Variants in SDK1 observed in about 807,000 individuals in gnomAD.
SDK1 encodes the protein sidekick cell adhesion molecule 1.
In SDK1, 157 loss-of-function variants were observed where a neutral mutation model predicts 245.5. The observed-to-expected ratio is 0.64, with a 90% CI of 0.56 to 0.73. The LOEUF (loss-of-function observed/expected upper bound fraction) is 0.73, where lower values mean the gene tolerates loss of function less well. Ranked by LOEUF, SDK1 falls within the 30% of genes least tolerant of loss-of-function variation. The pLI is 0.00. For synonymous variants in SDK1, 1,647 were observed against 1,278.5 expected, an observed-to-expected ratio of 1.29 and a Z score of -6.15; for missense variants, 3,583 against 3,002.3, an observed-to-expected ratio of 1.19 and a Z score of -4.52.
At chr7:4,240,782 C>G (rs1277557887) in intron 42 of SDK1, among the ~76,000 whole-genome samples, 1 of 152,106 alleles carries the variant, frequency 6.6e-6, no homozygotes, top group Non-Finnish European at 1.5e-5. Flanking sequence ...GGGAGGTCGC[C>G]TCTGGTCTCA....
At chr7:3,403,880 T>TTATA (rs1562466300) in intron 1 of SDK1, among the ~76,000 whole-genome samples, 2 of 119,802 alleles carry the variant, frequency 1.7e-5, no homozygotes, top group African/African-American at 6.2e-5. Context: ...ATATATATAT[T>TTATA]TATTTATATT....
intron 32 of SDK1, among the ~76,000 whole-genome samples, chr7:4,163,564 G>A: frequency 6.6e-6 from 1 of 152,342 alleles, no homozygotes; most frequent in East Asian, 1.9e-4. Context: ...CCCTGCAGAA[G>A]GGCCACTCCA....
At chr7:3,661,761 G>A (rs1783365460) in intron 4 of SDK1, among the ~76,000 whole-genome samples, 1 of 152,126 alleles carries the variant, frequency 6.6e-6, no homozygotes, top group African/African-American at 2.4e-5. Context: ...AGGCTGTCTG[G>A]GTTCAGACCC....
chr7:4,197,303 A>AAAAAAG (rs60173501), intron 35 of SDK1, among the ~76,000 whole-genome samples: 31,683 of 149,860 alleles, frequency 0.21, 3,604 homozygotes, highest in Non-Finnish European at 0.23. Flanking sequence ...TCTCTGAAAA[A>AAAAAAG]AAAAAGAAAA....
intron 5 of SDK1, among the ~76,000 whole-genome samples, chr7:3,920,983 G>T (rs1266979032): frequency 6.6e-6 from 1 of 152,148 alleles, no homozygotes; most frequent in Non-Finnish European, 1.5e-5. Flanking sequence ...CATAGAAACA[G>T]ATAAACTATA....
intron 11 of SDK1, among the ~76,000 whole-genome samples, chr7:3,970,186 A>G (rs942825895): frequency 1.1e-4 from 16 of 152,258 alleles, no homozygotes; most frequent in Middle Eastern, 3.2e-3. Flanking sequence ...TTACAAATCT[A>G]TCTACATGAG....
chr7:3,829,355 C>G (rs1045558619), intron 5 of SDK1, among the ~76,000 whole-genome samples: 1 of 152,070 alleles, frequency 6.6e-6, no homozygotes, highest in African/African-American at 2.4e-5. Context: ...TAAGGGCATA[C>G]AGAGAGGAGA....
rs754092613 is a variant in SDK1, at chr7:4,265,370, T to A, written c.6628T>A (p.Ser2210Thr). The A allele has an allele frequency of 2.1e-6, 3 of 1,444,724 alleles. No individual in the cohort carries two copies. The highest frequency in any genetic ancestry group is 2.7e-6 in the Non-Finnish European group (3 of 1,111,646). 89.5% of individuals were successfully genotyped at this position (1,444,724 alleles called of 1,614,324 possible). ...CGCGCGAACTCCGCTCACCGGCTTC[T>A]CCTCCTTCGTGTGAGCAAAGCGCCG... Reference protein sequence around the residue: ...PGARTPLTGFSSFV With the variant: ...PGARTPLTGFTSFV Residue 2210 changes from serine (S) to threonine (T), a missense_variant, in exon 45 of 45, where the codon TCC (serine) becomes ACC (threonine). Coordinates refer to ENST00000404826, the MANE Select transcript of SDK1 (RefSeq NM_152744.4).
chr7:3,866,778 G>A (rs1432043851), intron 5 of SDK1, among the ~76,000 whole-genome samples: 2 of 152,176 alleles, frequency 1.3e-5, no homozygotes, highest in African/African-American at 2.4e-5. Context: ...GCTGTGTTTA[G>A]GGATACTGGC....
At chr7:3,698,652 G>C (rs928488749) in intron 4 of SDK1, among the ~76,000 whole-genome samples, 1 of 152,170 alleles carries the variant, frequency 6.6e-6, no homozygotes, top group African/African-American at 2.4e-5. Context: ...GAGGCTAAAA[G>C]TTCAAGGTCA....
intron 14 of SDK1, 127 bp downstream of exon 14, chr7:3,987,449 G>A (rs1783947415): frequency 2.0e-6 from 2 of 982,806 alleles, no homozygotes; most frequent in African/African-American, 3.3e-5. Flanking sequence ...TGCTTTACAG[G>A]GTTTCAAACA....
chr7:3,949,229 G>A (rs1404250264), intron 5 of SDK1, among the ~76,000 whole-genome samples: 2 of 152,210 alleles, frequency 1.3e-5, no homozygotes, highest in African/African-American at 4.8e-5. Context: ...GGCTGGGTGA[G>A]AGTCACCCTC....
At chr7:3,445,125 G>A (rs1583867737) in intron 1 of SDK1, among the ~76,000 whole-genome samples, 1 of 152,092 alleles carries the variant, frequency 6.6e-6, no homozygotes, top group South Asian at 2.1e-4. Context: ...CTGTTGAAAA[G>A]GCAGATTTAT....
intron 4 of SDK1, among the ~76,000 whole-genome samples, chr7:3,718,807 A>G (rs972838644): frequency 5.3e-5 from 8 of 152,090 alleles, no homozygotes; most frequent in Admixed American, 4.6e-4. Flanking sequence ...AAAAAAAGGC[A>G]TCCAAGTTTG....
At chr7:4,255,679 TAAG>T (rs779554531) in intron 44 of SDK1, among the ~76,000 whole-genome samples, 15 of 152,244 alleles carry the variant, frequency 9.9e-5, no homozygotes, top group Non-Finnish European at 1.9e-4. Flanking sequence ...GGAAGCTGGA[TAAG>T]AGATGCCAGA....
At chr7:3,436,729 G>A (rs1018677896) in intron 1 of SDK1, among the ~76,000 whole-genome samples, 1 of 152,016 alleles carries the variant, frequency 6.6e-6, no homozygotes, top group African/African-American at 2.4e-5. Context: ...CCACTAAATC[G>A]TGAAGAATGT....
chr7:4,086,379 A>G (rs1781429820), intron 22 of SDK1, among the ~76,000 whole-genome samples: 2 of 152,192 alleles, frequency 1.3e-5, no homozygotes, highest in Non-Finnish European at 1.5e-5. Flanking sequence ...GAAGTCCAGC[A>G]TGGGTCTCAC....
At chr7:3,937,818 G>T (rs1021127461) in intron 5 of SDK1, among the ~76,000 whole-genome samples, 1 of 152,092 alleles carries the variant, frequency 6.6e-6, no homozygotes, top group Non-Finnish European at 1.5e-5. Context: ...TTGCATGTTT[G>T]GCAAAATTAC....
At chr7:3,507,451 C>G (rs922295889) in intron 1 of SDK1, among the ~76,000 whole-genome samples, 2 of 152,272 alleles carry the variant, frequency 1.3e-5, no homozygotes, top group African/African-American at 4.8e-5. Flanking sequence ...GCAGTAAATG[C>G]TCGGAATAAT....
Sources: allele counts gnomAD v4.1 joint callset (sites outside exome capture counted in the v4.1 genomes callset), GRCh38; gene constraint gnomAD v4.1.1; transcripts MANE v1.5; gene names NCBI Gene and HGNC (gene_info 2026-07-23, HGNC 2026-07-21).